The following TPR variants were observed in gnomAD, a reference collection of about 807,000 sequenced individuals.
The protein encoded by TPR is nucleoprotein TPR.
A neutral mutation model predicts 316.1 loss-of-function variants in TPR; 51 were observed. The ratio of observed to expected loss-of-function variants is 0.16; its 90% CI spans 0.13 to 0.20. The LOEUF is 0.20. Among genes scored for constraint, TPR ranks in the 10% least tolerant of loss-of-function variants. The probability of loss-of-function intolerance (pLI) is 1.00; values close to 1 mark genes in which losing one functional copy is unlikely to be tolerated. For synonymous variants in TPR, 981 were observed against 914.7 expected (o/e 1.07, Z -1.31); for missense variants, 2,272 against 2,754.8 (o/e 0.82, Z 3.92).
At chr1:186,321,359 T>C (rs922938919) in intron 45 of TPR, among the ~76,000 whole-genome samples, 1 of 152,212 alleles carries the variant, frequency 6.6e-6, no homozygotes, top group Non-Finnish European at 1.5e-5. Context: ...ACTAATACCT[T>C]AGCCACGAAT....
intron 4 of TPR, among the ~76,000 whole-genome samples, chr1:186,365,065 T>C (rs1659300224): frequency 6.7e-6 from 1 of 150,202 alleles, no homozygotes; most frequent in Non-Finnish European, 1.5e-5. Flanking sequence ...GCTTTGTCCC[T>C]AAAGTCAGAA....
At chr1:186,367,052 C>CA (rs1390834567) in intron 4 of TPR, among the ~76,000 whole-genome samples, 8 of 144,142 alleles carry the variant, frequency 5.6e-5, no homozygotes, top group Non-Finnish European at 1.1e-4. Flanking sequence ...AAAAAGAACC[C>CA]AAAACACCTT....
In TPR at chr1:186,362,387, A is replaced by G. The variant is rs1288439219; in HGVS notation, c.697-7T>C. 6.2e-7 allele frequency: 1 copy of G among 1,604,176 alleles called. No homozygotes were observed. Among genetic ancestry groups the G allele is most frequent in the Non-Finnish European group, 8.5e-7 (1 of 1,171,772 alleles). On this transcript the variant is annotated splice_polypyrimidine_tract_variant and splice_region_variant and intron_variant, in intron 6 of 50. Coordinates refer to ENST00000367478, the MANE Select transcript of TPR (RefSeq NM_003292.3). ...GTTCTTCCAGTCTAGAAACCTAAAAACAAAAAATAGAGCAGGGGGAAAGGA... is the reference window on the plus strand; with the variant it reads ...GTTCTTCCAGTCTAGAAACCTAAAAGCAAAAAATAGAGCAGGGGGAAAGGA...
intron 4 of TPR, among the ~76,000 whole-genome samples, chr1:186,365,259 C>T (rs887195150): frequency 6.6e-6 from 1 of 152,034 alleles, no homozygotes; most frequent in Admixed American, 6.6e-5. Flanking sequence ...CCACGCCCAG[C>T]TAATTTTTGT....
rs770053339 is a variant in TPR at position 186,361,604 on chromosome 1, A to G, written c.958+18T>C. ...GTACAATAACAAAAATAATGTTCCC[A>G]TAACTGAAAACACTTACCTTCACCA... On this transcript the variant is annotated intron_variant, in intron 9 of 50. Coordinates refer to ENST00000367478, the MANE Select transcript of TPR (RefSeq NM_003292.3). 17 of 1,611,674 alleles carry G rather than the reference A, an allele frequency of 1.1e-5. No homozygotes were observed. Among genetic ancestry groups the G allele is most frequent in the South Asian group, 3.3e-5 (3 of 90,930 alleles).
In TPR at chr1:186,341,073, C is replaced by A. The variant is rs892526216; in HGVS notation, c.3975G>T (p.Lys1325Asn). 6.2e-7 allele frequency: 1 copy of A among 1,614,104 alleles called. No individual in the cohort carries two copies. Among genetic ancestry groups the A allele is most frequent in the East Asian group, 2.2e-5 (1 of 44,872 alleles). ...GTTTGACATCCTCTTCTAAGAGCTTCTTCTCTGCCTGCAACATACCGCTTT... is the reference window on the plus strand; with the variant it reads ...GTTTGACATCCTCTTCTAAGAGCTTATTCTCTGCCTGCAACATACCGCTTT... ...SEKSGMLQAE[K>N]KLLEEDVKRW... Residue 1325 changes from lysine (K) to asparagine (N), a missense_variant, in exon 29 of 51, where the codon AAG becomes AAT. By Grantham distance (94) the Lys-to-Asn change is moderately conservative (BLOSUM62 0). Around this residue, in one of 10 missense-constraint regions of TPR, gnomAD observed 96 missense variants for 134.6 expected, o/e 0.71. Coordinates refer to ENST00000367478, the MANE Select transcript of TPR (RefSeq NM_003292.3).
Position 186,327,541 on chromosome 1 carries a change from A to T in TPR, c.5808T>A (p.Gly1936=). Residue 1936 remains glycine, a synonymous_variant, in exon 40 of 51, where the codon GGT becomes GGA. Transcript: ENST00000367478. ...DQQTTTSSQD[G]QGKGDDVIVI... ...CAATGACATCATCTCCTTTGCCTTG[A>T]CCATCCTGGGATGAAGTTGTCGTCT... 6.2e-7 allele frequency: 1 copy of T among 1,611,936 alleles called. No homozygotes were observed. The highest frequency in any genetic ancestry group is 8.5e-7 in the Non-Finnish European group (1 of 1,179,562).
At position 186,355,503 on chromosome 1, in the gene TPR, T is replaced by C; in HGVS notation, c.2078A>G (p.Gln693Arg). The C allele has an allele frequency of 6.2e-7, 1 of 1,612,528 alleles. No homozygotes were observed. The highest frequency in any genetic ancestry group is 8.5e-7 in the Non-Finnish European group (1 of 1,179,738). ...TTGAAGTTTCTCAAGCTGCTCATTT[T>C]GTATTTTTTCATTTTCTGCTTTTTC... ...KKEKAENEKI[Q>R]NEQLEKLQEQ... Residue 693 changes from glutamine (Q) to arginine (R), a missense_variant, in exon 17 of 51, where the codon CAA becomes CGA. Around this residue, in one of 10 missense-constraint regions of TPR, gnomAD observed 757 missense variants for 859.8 expected, o/e 0.88. Coordinates refer to ENST00000367478, the MANE Select transcript of TPR (RefSeq NM_003292.3).
rs754318259 is a variant in TPR, at chr1:186,342,095, G to A, written c.3751-706C>T. 1.6e-3 allele frequency: 249 copies of A among 152,164 alleles called. 1 individual carries two copies. The highest frequency in any genetic ancestry group is 3.4e-3 in the Middle Eastern group (1 of 296). 9.4% of individuals were successfully genotyped at this position (152,164 alleles called of 1,614,324 possible). A position where few individuals can be genotyped will look rare whatever the true frequency, so the allele number is the denominator to read the frequency against. ...CGCCGTTCTCCTGCCTCAGCCTCCCGAGTAGCTGGGACTACAGGTGCCTGC... is the reference window on the plus strand; with the variant it reads ...CGCCGTTCTCCTGCCTCAGCCTCCCAAGTAGCTGGGACTACAGGTGCCTGC... On this transcript the variant is annotated intron_variant, in intron 27 of 50. Transcript: ENST00000367478.
At chr1:186,347,162 T>C in intron 22 of TPR, 130 bp downstream of exon 22, 1 of 961,546 alleles carries the variant, frequency 1.0e-6, no homozygotes, top group Non-Finnish European at 1.5e-6. Flanking sequence ...ACTCAAGTAC[T>C]TTCACAAGGT....
chr1:186,350,372 G>A lies in TPR; in HGVS notation c.2627C>T (p.Thr876Ile). 6.3e-7 allele frequency: 1 copy of A among 1,598,984 alleles called. No individual in the cohort carries two copies. The highest frequency in any genetic ancestry group is 8.5e-7 in the Non-Finnish European group (1 of 1,173,344). ...TGTCTCTGTATCCAGTTGTCTCTTT[G>A]TATCTAAAAGTTGAACCTATAAAAT... ...TRNLDVQLLD[T>I]KRQLDTETNL... The change falls in exon 21 of 51, where the codon ACA (threonine) becomes ATA (isoleucine). Residue 876 changes from threonine to isoleucine, a missense_variant. Transcript: ENST00000367478.
chr1:186,361,812 T>C lies in TPR; in HGVS notation c.847A>G (p.Ile283Val). ...EKFHNELNAH[I>V]KLSNLYKSAA... is the part of the protein sequence containing the mutation. Reference sequence around the variant, plus strand: ...ACCTTGTACAAATTAGAAAGTTTTATGTGGGCATTTAATTCATTGTGGAAT... The same window carrying C: ...ACCTTGTACAAATTAGAAAGTTTTACGTGGGCATTTAATTCATTGTGGAAT... The change falls in exon 8 of 51, where the codon ATA (isoleucine) becomes GTA (valine). Residue 283 changes from isoleucine to valine, a missense_variant. This residue lies in a region of TPR where 549 missense variants were observed against 598.6 expected (regional missense o/e 0.92). Transcript: ENST00000367478. 3 of 1,613,182 alleles carry C rather than the reference T, an allele frequency of 1.9e-6. No individual in the cohort carries two copies. The highest frequency in any genetic ancestry group is 2.5e-6 in the Non-Finnish European group (3 of 1,179,320).
chr1:186,323,359 C>A (rs974282495), intron 43 of TPR, among the ~76,000 whole-genome samples: 1 of 152,146 alleles, frequency 6.6e-6, no homozygotes, highest in African/African-American at 2.4e-5. Flanking sequence ...ACCTTCAAAT[C>A]AGATAATGGT....
intron 39 of TPR, among the ~76,000 whole-genome samples, chr1:186,328,531 G>A (rs1658066003): frequency 6.6e-6 from 1 of 151,862 alleles, no homozygotes; most frequent in Non-Finnish European, 1.5e-5. Flanking sequence ...GCACAATACA[G>A]CTGCAGACCA....
At position 186,312,132 on chromosome 1, in the gene TPR, A is replaced by C; in HGVS notation, c.*1839T>G. The C allele has an allele frequency of 6.4e-7, 1 of 1,574,738 alleles. No homozygotes were observed. ...TTTTCCACCTTTTCTGAGGGTATTA[A>C]AATTAATTTTCATTTTCCATGTGAT... On this transcript the variant is annotated 3_prime_UTR_variant, in exon 51 of 51. Coordinates refer to ENST00000367478, the MANE Select transcript of TPR (RefSeq NM_003292.3).
intron 3 of TPR, among the ~76,000 whole-genome samples, chr1:186,368,257 A>G (rs1402277450): frequency 1.3e-5 from 2 of 152,206 alleles, no homozygotes; most frequent in Admixed American, 1.3e-4. Flanking sequence ...CTGTATTTAC[A>G]CCTTAGTTCA....
chr1:186,350,415 T>G, intron 20 of TPR, 27 bp from the exon 21 acceptor site: 2 of 1,490,748 alleles, frequency 1.3e-6, no homozygotes, highest in Non-Finnish European at 1.8e-6. Flanking sequence ...TCTTATAACA[T>G]TCTTTAGGTT....
In TPR at chr1:186,318,575, A is replaced by G; in HGVS notation, c.6693T>C (p.Ser2231=). 1 of 1,613,374 alleles carries G rather than the reference A, an allele frequency of 6.2e-7. No homozygotes were observed. The highest frequency in any genetic ancestry group is 1.7e-4 in the Middle Eastern group (1 of 6,054). The part of the protein sequence containing the change: ...PVTVFTESTT[S]DASEHASQSV... The stretch of plus-strand genomic sequence containing the variant: ...ATTGAGAGGCATGTTCCGAAGCATC[A>G]GAGGTGGTGCTCTCAGTAAATACAG... Residue 2231 remains serine, a synonymous_variant, in exon 48 of 51, where the codon TCT becomes TCC. Transcript: ENST00000367478.
chr1:186,373,233 A>G lies in TPR; in HGVS notation c.256+126T>C, dbSNP rs1659586461. 1.7e-5 allele frequency: 10 copies of G among 601,610 alleles called. No homozygotes were observed. In the South Asian group the frequency reaches 3.4e-4, roughly 20 times the overall value. The allele number at this position is 601,610 out of a possible 1,614,324, so 37.3% of individuals were successfully genotyped here. A position where few individuals can be genotyped will look rare whatever the true frequency, so the allele number is the denominator to read the frequency against. On this transcript the variant is annotated intron_variant, in intron 2 of 50. Transcript: ENST00000367478. ...AGTGAAAAATCAAAATATCACCATA[A>G]TAAAAACCAATGATGCTTAATCAAT...
Sources: allele counts gnomAD v4.1 joint callset (sites outside exome capture counted in the v4.1 genomes callset), GRCh38; gene constraint gnomAD v4.1.1; regional missense constraint gnomAD v4.1.1; transcripts MANE v1.5; gene names NCBI Gene and HGNC (gene_info 2026-07-23, HGNC 2026-07-21).